LRMDA: variants seen among roughly 807,000 people sequenced by gnomAD.
LRMDA encodes the protein leucine-rich melanocyte differentiation-associated protein.
A neutral mutation model predicts 29.8 loss-of-function variants in LRMDA; 18 were observed. The ratio of observed to expected loss-of-function variants is 0.60; its 90% CI spans 0.42 to 0.90. The LOEUF (loss-of-function observed/expected upper bound fraction) is 0.90, where lower values mean the gene tolerates loss of function less well. Among genes scored for constraint, LRMDA ranks in the 40% least tolerant of loss-of-function variants. The pLI is 0.00. For missense variants in LRMDA, 273 were observed against 273.9 expected (o/e 1.00, Z 0.02); for synonymous variants, 125 against 109.4 (o/e 1.14, Z -0.89).
chr10:75,686,285 A>T (rs151133987), intron 2 of LRMDA, among the ~76,000 whole-genome samples: 2 of 152,258 alleles, frequency 1.3e-5, no homozygotes, highest in East Asian at 3.9e-4. Context: ...TGAGGCCGGG[A>T]ATCTACCCAG....
At chr10:75,728,884 C>T (rs1842662442) in intron 2 of LRMDA, among the ~76,000 whole-genome samples, 1 of 152,110 alleles carries the variant, frequency 6.6e-6, no homozygotes, top group Admixed American at 6.5e-5. Flanking sequence ...GTGGTCTCCC[C>T]CTGCCCGTGG....
intron 2 of LRMDA, among the ~76,000 whole-genome samples, chr10:75,690,084 A>G (rs1842126571): frequency 6.6e-6 from 1 of 152,072 alleles, no homozygotes; most frequent in Non-Finnish European, 1.5e-5. Flanking sequence ...GTAGCTACTG[A>G]TATGTTCTAT....
chr10:76,054,281 G>T (rs1426444227), intron 4 of LRMDA, among the ~76,000 whole-genome samples: 3 of 152,128 alleles, frequency 2.0e-5, no homozygotes, highest in Non-Finnish European at 2.9e-5. Context: ...TGGAAACCCA[G>T]GCTGGCCCAC....
intron 2 of LRMDA, among the ~76,000 whole-genome samples, chr10:75,473,331 G>A (rs993085776): frequency 1.3e-5 from 2 of 152,234 alleles, no homozygotes; most frequent in African/African-American, 4.8e-5. Flanking sequence ...GCTGTGTGGT[G>A]GGAGCAGGGG....
intron 5 of LRMDA, among the ~76,000 whole-genome samples, chr10:76,205,392 G>A (rs1589375625): frequency 6.6e-6 from 1 of 152,274 alleles, no homozygotes. Context: ...CCCAAGTTCA[G>A]TAATGTGAAG....
intron 4 of LRMDA, among the ~76,000 whole-genome samples, chr10:76,054,890 G>A (rs1465179566): frequency 4.0e-5 from 6 of 150,742 alleles, no homozygotes; most frequent in African/African-American, 7.3e-5. Flanking sequence ...ATGGTGAAAC[G>A]CTGTCTCTAC....
intron 2 of LRMDA, among the ~76,000 whole-genome samples, chr10:75,678,141 T>C (rs1396230109): frequency 3.9e-5 from 6 of 152,138 alleles, no homozygotes. Context: ...CACAGATACA[T>C]GCACATACCT....
At chr10:75,698,376 A>G (rs1360049855) in intron 2 of LRMDA, among the ~76,000 whole-genome samples, 2 of 152,254 alleles carry the variant, frequency 1.3e-5, no homozygotes, top group Non-Finnish European at 2.9e-5. Context: ...TAGTCCTTAC[A>G]GTGAGGAACT....
chr10:75,871,759 G>A (rs941507369), intron 2 of LRMDA, among the ~76,000 whole-genome samples: 1 of 152,060 alleles, frequency 6.6e-6, no homozygotes, highest in Non-Finnish European at 1.5e-5. Context: ...AAAATCCTAG[G>A]CTCCCTGGGT....
At chr10:76,045,612 G>A (rs1848425836) in intron 3 of LRMDA, among the ~76,000 whole-genome samples, 1 of 152,102 alleles carries the variant, frequency 6.6e-6, no homozygotes, top group Non-Finnish European at 1.5e-5. Flanking sequence ...AAGAATGCTT[G>A]AAGGAACTTA....
chr10:76,344,465 T>C (rs1841078641), intron 6 of LRMDA, among the ~76,000 whole-genome samples: 1 of 152,204 alleles, frequency 6.6e-6, no homozygotes, highest in Non-Finnish European at 1.5e-5. Context: ...GTCATTTACC[T>C]CTTTGTAAAT....
chr10:75,785,697 A>G (rs1253518559), intron 2 of LRMDA, among the ~76,000 whole-genome samples: 1 of 152,216 alleles, frequency 6.6e-6, no homozygotes, highest in African/African-American at 2.4e-5. Flanking sequence ...AAGATCTGAA[A>G]CAAGGTATTT....
At chr10:76,146,379 A>C (rs1850321252) in intron 5 of LRMDA, among the ~76,000 whole-genome samples, 1 of 151,698 alleles carries the variant, frequency 6.6e-6, no homozygotes, top group Non-Finnish European at 1.5e-5. Context: ...GTGCTCCTGT[A>C]TTGGGTGCAT....
intron 2 of LRMDA, among the ~76,000 whole-genome samples, chr10:75,516,524 A>G (rs1253537603): frequency 6.6e-6 from 1 of 152,036 alleles, no homozygotes; most frequent in Non-Finnish European, 1.5e-5. Flanking sequence ...GTCTGTTCAT[A>G]TCCTTTGCCC....
chr10:75,521,165 C>G (rs2915025), intron 2 of LRMDA, among the ~76,000 whole-genome samples: 139,153 of 151,918 alleles, frequency 0.92, 63,997 homozygotes, highest in African/African-American at 0.98. Context: ...GGGGGTCAGG[C>G]TCCCACTTGA....
rs114120112 is a variant in LRMDA, at chr10:75,893,493, T to A, written c.132-142515T>A. Among the ~76,000 whole-genome samples, 1,257 of 152,268 alleles carry A rather than the reference T, an allele frequency of 8.3e-3. 20 individuals are homozygous for A. The highest frequency in any genetic ancestry group is 0.029 in the African/African-American group (1,199 of 41,538). ...AAATGCCAAATAACAGAATAATGCT[T>A]AGTATTAGTTTGAAAGCGGAAGTGG... is the stretch of plus-strand genomic sequence containing the variant. On this transcript the variant is annotated intron_variant, in intron 2 of 6. Transcript: ENST00000611255.
At chr10:76,041,690 T>C (rs569478174) in intron 3 of LRMDA, among the ~76,000 whole-genome samples, 1 of 152,254 alleles carries the variant, frequency 6.6e-6, no homozygotes, top group Non-Finnish European at 1.5e-5. Flanking sequence ...TGCTCCAAAC[T>C]TTCAAGGCAA....
chr10:76,146,825 G>A (rs552177041), intron 5 of LRMDA, among the ~76,000 whole-genome samples: 4 of 152,138 alleles, frequency 2.6e-5, no homozygotes, highest in Admixed American at 6.5e-5. Flanking sequence ...GGCTGGTACC[G>A]GTCGTTCCTT....
chr10:75,621,234 C>CCCCCCCA (rs373236306), intron 2 of LRMDA, among the ~76,000 whole-genome samples: 6 of 144,372 alleles, frequency 4.2e-5, no homozygotes, highest in African/African-American at 1.6e-4. Flanking sequence ...ACCCACACAC[C>CCCCCCCA]CACACACACA....
Sources: gnomAD v4.1 joint callset for allele counts (sites outside exome capture counted in the v4.1 genomes callset) on GRCh38, gnomAD v4.1.1 for gene constraint, MANE v1.5 for transcripts, NCBI Gene and HGNC (gene_info 2026-07-23, HGNC 2026-07-21) for gene names.